Variants in SHISA9 observed in about 807,000 individuals in gnomAD.
SHISA9 encodes the protein protein shisa-9.
In SHISA9, 13 loss-of-function variants were observed where a neutral mutation model predicts 38.0. The observed-to-expected ratio is 0.34, with a 90% confidence interval of 0.22 to 0.54. SHISA9 has a LOEUF of 0.54. SHISA9 is among the 20% of genes least tolerant of loss of function. The probability of loss-of-function intolerance (pLI) is 0.91; values close to 1 mark genes in which losing one functional copy is unlikely to be tolerated. For synonymous variants in SHISA9, 275 were observed against 242.0 expected, an observed-to-expected ratio of 1.14 and a Z score of -1.27; for missense variants, 538 against 575.8, an observed-to-expected ratio of 0.93 and a Z score of 0.67.
chr16:12,937,142 T>C (rs1312224780), intron 2 of SHISA9, among the ~76,000 whole-genome samples: 2 of 152,186 alleles, frequency 1.3e-5, no homozygotes, highest in African/African-American at 4.8e-5. Context: ...TTTGTGGAGC[T>C]TGGAATTTCC....
the SHISA9 span, among the ~76,000 whole-genome samples, chr16:13,323,642 G>A: frequency 6.6e-6 from 1 of 152,152 alleles, no homozygotes; most frequent in Non-Finnish European, 1.5e-5. Context: ...CTCAGGAAAT[G>A]TACAATCATG....
intron 1 of SHISA9, chr16:12,908,352 A>G: frequency 6.9e-7 from 1 of 1,440,014 alleles, no homozygotes; most frequent in Non-Finnish European, 9.2e-7. Flanking sequence ...TCTATATGTG[A>G]CTACGTTAAA....
chr16:12,966,816 C>T (rs111794836), intron 2 of SHISA9, among the ~76,000 whole-genome samples: 2 of 152,122 alleles, frequency 1.3e-5, no homozygotes, highest in African/African-American at 2.4e-5. Flanking sequence ...AGTTATCAAG[C>T]CTTTGAACAT....
At chr16:13,301,626 G>A in the SHISA9 span, among the ~76,000 whole-genome samples, 1,516 of 152,286 alleles carry the variant, frequency 1.0e-2, 15 homozygotes, top group African/African-American at 0.033. Context: ...TTGCTTGAGA[G>A]GAGTTTGAAA....
chr16:13,368,146 G>A, the SHISA9 span, among the ~76,000 whole-genome samples: 24 of 152,260 alleles, frequency 1.6e-4, no homozygotes, highest in African/African-American at 5.5e-4. Context: ...AACTGAGCAA[G>A]ATCACCTGCA....
the SHISA9 span, among the ~76,000 whole-genome samples, chr16:13,478,528 A>C: frequency 6.6e-6 from 1 of 152,338 alleles, no homozygotes; most frequent in East Asian, 1.9e-4. Context: ...TTCCTTGTGC[A>C]TCAGTTCCTG....
chr16:13,558,609 C>G, the SHISA9 span, among the ~76,000 whole-genome samples: 1 of 152,170 alleles, frequency 6.6e-6, no homozygotes, highest in South Asian at 2.1e-4. Flanking sequence ...TACAGTAACA[C>G]GTTCCTGAGC....
At chr16:13,400,763 A>AC in the SHISA9 span, among the ~76,000 whole-genome samples, 1 of 152,186 alleles carries the variant, frequency 6.6e-6, no homozygotes, top group South Asian at 2.1e-4. Context: ...GATCACATTG[A>AC]CCCCCAATAA....
chr16:13,520,051 G>A, the SHISA9 span, among the ~76,000 whole-genome samples: 1 of 152,122 alleles, frequency 6.6e-6, no homozygotes, highest in Non-Finnish European at 1.5e-5. Context: ...AAACTCCAGG[G>A]CCATGAGAAC....
At chr16:13,182,743 A>G (rs2050788779) in intron 2 of SHISA9, among the ~76,000 whole-genome samples, 1 of 152,120 alleles carries the variant, frequency 6.6e-6, no homozygotes, top group Non-Finnish European at 1.5e-5. Context: ...ATCACTTTGC[A>G]AAAAATGCAT....
the SHISA9 span, among the ~76,000 whole-genome samples, chr16:13,256,749 T>C: frequency 1.3e-5 from 2 of 152,212 alleles, no homozygotes; most frequent in African/African-American, 4.8e-5. Context: ...AGGAAATGAA[T>C]GAATATTTCT....
intron 2 of SHISA9, among the ~76,000 whole-genome samples, chr16:13,127,841 A>G (rs186751497): frequency 6.1e-4 from 93 of 152,304 alleles, no homozygotes; most frequent in African/African-American, 2.0e-3. Flanking sequence ...AGGAGGCTGA[A>G]GTCCAGATGT....
intron 2 of SHISA9, among the ~76,000 whole-genome samples, chr16:13,137,505 G>C (rs1184897859): frequency 3.3e-5 from 5 of 151,882 alleles, no homozygotes; most frequent in East Asian, 3.9e-4. Context: ...TACCAGGCTG[G>C]AGTGCAGTGG....
At chr16:13,556,273 G>T in the SHISA9 span, among the ~76,000 whole-genome samples, 1 of 152,182 alleles carries the variant, frequency 6.6e-6, no homozygotes, top group African/African-American at 2.4e-5. Context: ...ATGTGGCACA[G>T]GAAGGTTATA....
chr16:13,282,775 TA>T, the SHISA9 span, among the ~76,000 whole-genome samples: 1 of 152,158 alleles, frequency 6.6e-6, no homozygotes, highest in Admixed American at 6.5e-5. Context: ...AGTGAGTTTC[TA>T]AATTTCACAT....
At chr16:13,195,825 C>T (rs1381166025) in intron 2 of SHISA9, among the ~76,000 whole-genome samples, 4 of 152,058 alleles carry the variant, frequency 2.6e-5, no homozygotes, top group Admixed American at 6.6e-5. Flanking sequence ...TGGTGGCTCA[C>T]GCCTGTAATC....
chr16:12,922,242 A>G (rs535087157), intron 2 of SHISA9, among the ~76,000 whole-genome samples: 1 of 152,358 alleles, frequency 6.6e-6, no homozygotes, highest in Non-Finnish European at 1.5e-5. Context: ...TATACATCCA[A>G]TTTACAGCCT....
At chr16:13,513,279 A>G in the SHISA9 span, among the ~76,000 whole-genome samples, 1 of 152,260 alleles carries the variant, frequency 6.6e-6, no homozygotes, top group African/African-American at 2.4e-5. Flanking sequence ...ACTGATCATT[A>G]GAGAAATGCA....
the SHISA9 span, among the ~76,000 whole-genome samples, chr16:13,435,012 C>T: frequency 6.6e-6 from 1 of 152,148 alleles, no homozygotes; most frequent in African/African-American, 2.4e-5. Flanking sequence ...ACTAAAACTA[C>T]AAATGTGTTG....
Sources: gnomAD v4.1 joint callset for allele counts (sites outside exome capture counted in the v4.1 genomes callset) on GRCh38, gnomAD v4.1.1 for gene constraint, MANE v1.5 for transcripts, NCBI Gene and HGNC (gene_info 2026-07-23, HGNC 2026-07-21) for gene names.